Variants in CA10 observed in about 807,000 individuals in gnomAD.
CA10 encodes carbonic anhydrase-related protein 10.
CA10 carries 14 observed loss-of-function variants against 44.2 expected under a neutral mutation model. That is an observed-to-expected ratio of 0.32 (90% CI 0.21 to 0.50). The LOEUF is 0.50. Ranked by LOEUF, CA10 falls within the 20% of genes least tolerant of loss-of-function variation. The pLI is 0.99. For missense variants in CA10, 350 were observed against 409.7 expected, an observed-to-expected ratio of 0.85 and a Z score of 1.26; for synonymous variants, 159 against 141.6, an observed-to-expected ratio of 1.12 and a Z score of -0.87.
intron 2 of CA10, among the ~76,000 whole-genome samples, chr17:51,976,766 C>CA (rs368097396): frequency 1.1e-4 from 16 of 148,552 alleles, no homozygotes; most frequent in East Asian, 2.0e-4. Context: ...GAAAAAAAGA[C>CA]AAAAAAAAGG....
intron 3 of CA10, among the ~76,000 whole-genome samples, chr17:51,866,835 TATAAA>T (rs1979568843): frequency 6.6e-6 from 1 of 152,242 alleles, no homozygotes; most frequent in African/African-American, 2.4e-5. Context: ...TTTCAAACCC[TATAAA>T]ATAATACTGA....
intron 3 of CA10, among the ~76,000 whole-genome samples, chr17:51,844,365 G>A (rs1978400649): frequency 1.3e-5 from 2 of 152,090 alleles, no homozygotes; most frequent in African/African-American, 4.8e-5. Flanking sequence ...AACAAAAGTT[G>A]AAACATGACA....
intron 6 of CA10, among the ~76,000 whole-genome samples, chr17:51,644,562 T>G (rs567994045): frequency 2.6e-5 from 4 of 152,270 alleles, no homozygotes; most frequent in African/African-American, 9.6e-5. Flanking sequence ...TATATCCAAC[T>G]GCCTACTCCA....
chr17:52,119,638 T>G (rs1988970463), intron 1 of CA10, among the ~76,000 whole-genome samples: 1 of 152,056 alleles, frequency 6.6e-6, no homozygotes, highest in Non-Finnish European at 1.5e-5. Context: ...TGGAACAGAG[T>G]TCCATCAAAG....
At chr17:51,837,079 A>AACACACACACAC (rs5820881) in intron 3 of CA10, among the ~76,000 whole-genome samples, 12 of 149,966 alleles carry the variant, frequency 8.0e-5, no homozygotes, top group East Asian at 3.9e-4. Flanking sequence ...GAGTTCAGAC[A>AACACACACACAC]ACACACACAC....
chr17:51,990,918 A>G (rs541783955), intron 2 of CA10, among the ~76,000 whole-genome samples: 4 of 152,234 alleles, frequency 2.6e-5, no homozygotes, highest in African/African-American at 9.6e-5. Flanking sequence ...TGCCTCAAAT[A>G]AAACAGATAC....
At chr17:51,835,796 C>T (rs994476349) in intron 3 of CA10, among the ~76,000 whole-genome samples, 4 of 152,160 alleles carry the variant, frequency 2.6e-5, no homozygotes, top group Non-Finnish European at 4.4e-5. Context: ...AGCTACTTAA[C>T]CAACCTAATA....
chr17:51,863,564 C>T (rs970426270), intron 3 of CA10, among the ~76,000 whole-genome samples: 5 of 152,192 alleles, frequency 3.3e-5, no homozygotes, highest in Admixed American at 2.6e-4. Flanking sequence ...CATAGTTTTC[C>T]ACAAACTCCT....
At chr17:51,830,484 T>C (rs1908197292) in intron 3 of CA10, among the ~76,000 whole-genome samples, 1 of 152,188 alleles carries the variant, frequency 6.6e-6, no homozygotes. Flanking sequence ...GCTTCCATGT[T>C]TTGTAGTTTC....
intron 2 of CA10, among the ~76,000 whole-genome samples, chr17:52,052,137 G>A (rs1598188143): frequency 6.6e-6 from 1 of 151,874 alleles, no homozygotes; most frequent in Non-Finnish European, 1.5e-5. Flanking sequence ...AGAGGGTGGA[G>A]GGTGGGGGAA....
At chr17:51,840,976 G>T (rs1978314406) in intron 3 of CA10, among the ~76,000 whole-genome samples, 1 of 152,194 alleles carries the variant, frequency 6.6e-6, no homozygotes, top group Non-Finnish European at 1.5e-5. Context: ...TTGCTCAGAA[G>T]CAGAGCTGAA....
chr17:52,018,671 C>T (rs1297173664), intron 2 of CA10, among the ~76,000 whole-genome samples: 1 of 152,002 alleles, frequency 6.6e-6, no homozygotes, highest in Non-Finnish European at 1.5e-5. Context: ...AGACTTTAGA[C>T]TTTTGAGTGA....
At position 51,796,003 on chromosome 17, in the gene CA10, C is replaced by T. The variant is rs111240720; in HGVS notation, c.280-48185G>A. On this transcript the variant is annotated intron_variant, in intron 3 of 8. Transcript: ENST00000451037. ...TGATCAGGAGCTTTATTTTATAGAACGGGGCTTGCAGTCTGGAATGAGACA... is the reference window on the plus strand; with the variant it reads ...TGATCAGGAGCTTTATTTTATAGAATGGGGCTTGCAGTCTGGAATGAGACA... 1.5e-3 allele frequency among the ~76,000 whole-genome samples: 224 copies of T among 152,268 alleles called. 1 individual carries two copies. The highest frequency in any genetic ancestry group is 5.0e-3 in the African/African-American group (207 of 41,550).
intron 4 of CA10, among the ~76,000 whole-genome samples, chr17:51,679,562 A>T (rs1240858554): frequency 2.1e-5 from 3 of 140,886 alleles, no homozygotes; most frequent in Admixed American, 7.0e-5. Context: ...TGCCTGGCCT[A>T]TTTTTTTTTT....
intron 6 of CA10, among the ~76,000 whole-genome samples, chr17:51,639,593 C>T (rs561440600): frequency 6.6e-6 from 1 of 152,314 alleles, no homozygotes; most frequent in African/African-American, 2.4e-5. Context: ...CACTCCCTCT[C>T]CAAGATGCAA....
intron 3 of CA10, among the ~76,000 whole-genome samples, chr17:51,754,703 C>T (rs1363216666): frequency 6.6e-6 from 1 of 151,734 alleles, no homozygotes; most frequent in Non-Finnish European, 1.5e-5. Flanking sequence ...TTATCTCATC[C>T]ATAGACATTC....
chr17:51,663,211 C>T (rs6504738), intron 4 of CA10, among the ~76,000 whole-genome samples: 121,135 of 142,384 alleles, frequency 0.85, 50,031 homozygotes, highest in East Asian at 0.94. Flanking sequence ...TTTTTTTTCC[C>T]GGAACTTGGA....
chr17:51,779,042 G>C (rs920678454), intron 3 of CA10, among the ~76,000 whole-genome samples: 3 of 152,096 alleles, frequency 2.0e-5, no homozygotes, highest in Admixed American at 1.3e-4. Context: ...ACAGAGCCTG[G>C]GGACTGCGAA....
chr17:51,891,473 T>C (rs1424306463), intron 3 of CA10, among the ~76,000 whole-genome samples: 1 of 152,116 alleles, frequency 6.6e-6, no homozygotes, highest in Non-Finnish European at 1.5e-5. Flanking sequence ...GGATGAATAA[T>C]AGAGTTTGTG....
Sources: gnomAD v4.1 joint callset for allele counts (sites outside exome capture counted in the v4.1 genomes callset) on GRCh38, gnomAD v4.1.1 for gene constraint, MANE v1.5 for transcripts, NCBI Gene and HGNC (gene_info 2026-07-23, HGNC 2026-07-21) for gene names.